SPATA13: variants seen among roughly 807,000 people sequenced by gnomAD.
SPATA13 encodes spermatogenesis associated 13.
In SPATA13, 50 loss-of-function variants were observed where a neutral mutation model predicts 104.0. The observed-to-expected ratio is 0.48, with a 90% confidence interval of 0.38 to 0.61. The LOEUF is 0.61. SPATA13 is among the 20% of genes least tolerant of loss of function. The pLI is 0.00. For synonymous variants in SPATA13, 606 were observed against 667.5 expected, an observed-to-expected ratio of 0.91 and a Z score of 1.42; for missense variants, 1,524 against 1,690.6, an observed-to-expected ratio of 0.90 and a Z score of 1.73.
chr13:24,138,384 C>T (rs192933195), intron 3 of SPATA13, among the ~76,000 whole-genome samples: 65 of 151,754 alleles, frequency 4.3e-4, no homozygotes, highest in African/African-American at 1.5e-3. Context: ...TTCTGTATTT[C>T]CTCCAGTAGG....
chr13:24,087,029 G>A (rs1335616210), intron 3 of SPATA13, among the ~76,000 whole-genome samples: 2 of 152,210 alleles, frequency 1.3e-5, no homozygotes, highest in Admixed American at 6.5e-5. Flanking sequence ...AAGCAGAACA[G>A]CAATTGTGGA....
chr13:23,989,895 G>A (rs529159318), intron 2 of SPATA13, among the ~76,000 whole-genome samples: 22 of 152,162 alleles, frequency 1.4e-4, no homozygotes, highest in Non-Finnish European at 2.8e-4. Context: ...GCAGTGAGAT[G>A]GTACCATCTG....
At chr13:24,137,650 T>C (rs891135988) in intron 3 of SPATA13, among the ~76,000 whole-genome samples, 4 of 152,016 alleles carry the variant, frequency 2.6e-5, no homozygotes, top group South Asian at 4.2e-4. Context: ...TCCCAGCTAC[T>C]TGTGCGGCTG....
chr13:24,092,784 G>A (rs1879949021), intron 3 of SPATA13, among the ~76,000 whole-genome samples: 1 of 152,148 alleles, frequency 6.6e-6, no homozygotes, highest in South Asian at 2.1e-4. Flanking sequence ...AGATTTCTTA[G>A]CAGTCATATT....
intron 3 of SPATA13, among the ~76,000 whole-genome samples, chr13:24,048,659 G>A (rs888389719): frequency 2.0e-5 from 3 of 150,312 alleles, no homozygotes; most frequent in Non-Finnish European, 4.4e-5. Context: ...AGATTTTAGA[G>A]TCATCAGTCT....
chr13:24,285,220 G>T (rs533723620), intron 5 of SPATA13, among the ~76,000 whole-genome samples: 2 of 152,118 alleles, frequency 1.3e-5, no homozygotes, highest in Non-Finnish European at 2.9e-5. Flanking sequence ...AATTGTTAAC[G>T]ATCTCAAGAT....
chr13:24,124,339 C>T (rs896730903), intron 3 of SPATA13, among the ~76,000 whole-genome samples: 2 of 152,212 alleles, frequency 1.3e-5, no homozygotes, highest in Non-Finnish European at 2.9e-5. Context: ...ACTTCTTTCT[C>T]TTAAGTTACA....
chr13:24,012,951 C>T (rs1876542969), intron 2 of SPATA13, among the ~76,000 whole-genome samples: 1 of 152,194 alleles, frequency 6.6e-6, no homozygotes. Flanking sequence ...AACTCTCCCT[C>T]ATCCAGCAGG....
At chr13:24,008,667 G>C (rs74039564) in intron 2 of SPATA13, among the ~76,000 whole-genome samples, 1,544 of 152,302 alleles carry the variant, frequency 0.01, 12 homozygotes, top group Middle Eastern at 0.031. Flanking sequence ...GGAGGAGGCA[G>C]CAGGCCTGGG....
At chr13:24,282,419 T>G (rs1170609864) in intron 4 of SPATA13, among the ~76,000 whole-genome samples, 1 of 152,238 alleles carries the variant, frequency 6.6e-6, no homozygotes, top group Non-Finnish European at 1.5e-5. Flanking sequence ...CAGCCAGCCC[T>G]CTGTCCTTGC....
chr13:24,125,338 T>C (rs1016656843), intron 3 of SPATA13, among the ~76,000 whole-genome samples: 1 of 152,132 alleles, frequency 6.6e-6, no homozygotes, highest in Non-Finnish European at 1.5e-5. Flanking sequence ...CTAATGAGAC[T>C]CACCTTATTG....
At chr13:24,283,511 A>G (rs942630695) in intron 4 of SPATA13, among the ~76,000 whole-genome samples, 8 of 152,220 alleles carry the variant, frequency 5.3e-5, no homozygotes, top group African/African-American at 1.7e-4. Context: ...TCATTTTCCC[A>G]AGAAAGAAAA....
intron 3 of SPATA13, among the ~76,000 whole-genome samples, chr13:24,044,692 T>C (rs1285486831): frequency 6.6e-6 from 1 of 152,202 alleles, no homozygotes; most frequent in Non-Finnish European, 1.5e-5. Flanking sequence ...AAATTCATTC[T>C]TCTAGTTATT....
intron 3 of SPATA13, among the ~76,000 whole-genome samples, chr13:24,043,937 G>A (rs1878030472): frequency 6.6e-6 from 1 of 152,190 alleles, no homozygotes; most frequent in Non-Finnish European, 1.5e-5. Flanking sequence ...TGGGAAGTGG[G>A]GTTAGTTTTT....
chr13:24,034,237 C>T (rs1046774873), intron 3 of SPATA13: 5 of 152,196 alleles, frequency 3.3e-5, no homozygotes, highest in African/African-American at 1.2e-4. Context: ...ATCTAAATTT[C>T]AAACCTCAGG....
rs543337605 is a variant in SPATA13, at chr13:24,223,694, G to A, written c.765G>A (p.Thr255=). 9.6e-5 allele frequency: 149 copies of A among 1,552,172 alleles called. 3 individuals are homozygous for A. The South Asian group carries it at 1.6e-3, about 17-fold the overall frequency. ...NSMGYRRSKS[T]DNLAFLKKSS... Reference sequence around the variant, plus strand: ...TGGGCTACAGGAGGAGCAAGAGCACGGACAATCTTGCCTTTCTGAAGAAGA... The same window carrying A: ...TGGGCTACAGGAGGAGCAAGAGCACAGACAATCTTGCCTTTCTGAAGAAGA... Residue 255 remains threonine (T), a synonymous_variant, in exon 2 of 13, where the codon ACG becomes ACA. Transcript: ENST00000382108.
At chr13:24,149,885 G>A (rs1882045714) in intron 3 of SPATA13, among the ~76,000 whole-genome samples, 1 of 152,198 alleles carries the variant, frequency 6.6e-6, no homozygotes, top group Non-Finnish European at 1.5e-5. Flanking sequence ...GAGCTCTTGG[G>A]CAGCAGGAGG....
At chr13:24,198,816 G>A (rs941185993) in intron 1 of SPATA13, among the ~76,000 whole-genome samples, 5 of 152,188 alleles carry the variant, frequency 3.3e-5, no homozygotes, top group African/African-American at 1.2e-4. Context: ...ACCACCAGCA[G>A]CAGGTGTCAG....
intron 7 of SPATA13, among the ~76,000 whole-genome samples, chr13:24,288,461 A>G (rs1876112180): frequency 6.6e-6 from 1 of 152,206 alleles, no homozygotes; most frequent in Non-Finnish European, 1.5e-5. Flanking sequence ...CCTAAGCCAT[A>G]GTATAGCCAT....
Sources: allele counts gnomAD v4.1 joint callset (sites outside exome capture counted in the v4.1 genomes callset), GRCh38; gene constraint gnomAD v4.1.1; transcripts MANE v1.5; gene names NCBI Gene and HGNC (gene_info 2026-07-23, HGNC 2026-07-21).